SLC14A2: variants seen among roughly 807,000 people sequenced by gnomAD.
SLC14A2 encodes solute carrier family 14 member 2, also known as urea transporter 2.
A neutral mutation model predicts 104.6 loss-of-function variants in SLC14A2; 91 were observed. The ratio of observed to expected loss-of-function variants is 0.87; its 90% confidence interval spans 0.73 to 1.04. SLC14A2 has a LOEUF of 1.04. Among genes scored for constraint, SLC14A2 ranks in the 50% least tolerant of loss-of-function variants. The pLI is 0.00. For missense variants in SLC14A2, 1,189 were observed against 1,156.0 expected (o/e 1.03, Z -0.41); for synonymous variants, 476 against 466.4 (o/e 1.02, Z -0.27).
At chr18:45,430,938 C>T (rs1008263119) in intron 1 of SLC14A2, among the ~76,000 whole-genome samples, 8 of 152,034 alleles carry the variant, frequency 5.3e-5, no homozygotes, top group African/African-American at 1.9e-4. Flanking sequence ...AATGTGAGTT[C>T]TAGTTTAGTG....
Position 45,625,731 on chromosome 18 carries a change from C to T in SLC14A2, c.199C>T (p.Leu67Phe). ...CAGTCACATTGTGAAGATCGAAAAGCTCAATGAAAGGAGTAAAAGGAAAGA... is the reference window on the plus strand; with the variant it reads ...CAGTCACATTGTGAAGATCGAAAAGTTCAATGAAAGGAGTAAAAGGAAAGA... ...EDSHIVKIEK[L>F]NERSKRKDDG... Residue 67 changes from leucine (L) to phenylalanine (F), a missense_variant, in exon 3 of 20, where the codon CTC becomes TTC. Coordinates refer to ENST00000255226, the MANE Select transcript of SLC14A2 (RefSeq NM_007163.4). The T allele has an allele frequency of 6.4e-7, 1 of 1,563,902 alleles. No individual in the cohort carries two copies. Among genetic ancestry groups the T allele is most frequent in the East Asian group, 2.4e-5 (1 of 40,818 alleles).
chr18:45,268,199 C>A (rs1264748404), intron 1 of SLC14A2, among the ~76,000 whole-genome samples: 1 of 151,990 alleles, frequency 6.6e-6, no homozygotes, highest in African/African-American at 2.4e-5. Flanking sequence ...GAAGCAAATA[C>A]CAAGTACCCG....
At chr18:45,466,414 C>T (rs1023504199) in intron 1 of SLC14A2, among the ~76,000 whole-genome samples, 1 of 151,450 alleles carries the variant, frequency 6.6e-6, no homozygotes, top group East Asian at 1.9e-4. Context: ...AGTTAGAGAG[C>T]ATGAAGGCTG....
intron 11 of SLC14A2, among the ~76,000 whole-genome samples, chr18:45,665,459 C>T (rs1331353560): frequency 6.6e-6 from 1 of 152,074 alleles, no homozygotes; most frequent in East Asian, 1.9e-4. Context: ...CAAAGGCTTG[C>T]CAAAATCTGC....
At chr18:45,376,091 T>C (rs1286151950) in intron 1 of SLC14A2, among the ~76,000 whole-genome samples, 2 of 152,178 alleles carry the variant, frequency 1.3e-5, no homozygotes, top group East Asian at 3.9e-4. Flanking sequence ...TAGCCAACCT[T>C]AGTCCTTACT....
Position 45,669,409 on chromosome 18 carries a change from G to GGCCACTACAACCT in SLC14A2, c.2141_2153dup (p.Phe719ProfsTer45). On this transcript the variant is annotated frameshift_variant, in exon 16 of 20. Transcript: ENST00000255226. LOFTEE classifies it high-confidence loss of function. Reference sequence around the variant, plus strand: ...TGTGACTTTGTACCTGGCAGCCACGGGCCACTACAACCTTTTCTTCCCCAC... The same window carrying GGCCACTACAACCT: ...TGTGACTTTGTACCTGGCAGCCACGGGCCACTACAACCTGCCACTACAACCTTTTCTTCCCCAC... 2 of 1,613,696 alleles carry GGCCACTACAACCT rather than the reference G, an allele frequency of 1.2e-6. No homozygotes were observed. The highest frequency in any genetic ancestry group is 1.7e-6 in the Non-Finnish European group (2 of 1,179,938).
intron 1 of SLC14A2, among the ~76,000 whole-genome samples, chr18:45,395,475 A>G (rs2086018921): frequency 6.6e-6 from 1 of 152,358 alleles, no homozygotes; most frequent in Non-Finnish European, 1.5e-5. Context: ...GATCTGCTTC[A>G]CAACAAGGTG....
intron 1 of SLC14A2, among the ~76,000 whole-genome samples, chr18:45,246,240 GA>G (rs2084366415): frequency 6.6e-6 from 1 of 152,154 alleles, no homozygotes; most frequent in South Asian, 2.1e-4. Context: ...TGCAAGCCAA[GA>G]AGGGAGGCCT....
the SLC14A2 span, among the ~76,000 whole-genome samples, chr18:45,171,585 T>C: frequency 6.2e-4 from 94 of 152,218 alleles, no homozygotes; most frequent in African/African-American, 2.2e-3. Flanking sequence ...TATGGACTAT[T>C]AATGTGGAAG....
chr18:45,388,029 A>G lies in SLC14A2; in HGVS notation c.-124-95204A>G, dbSNP rs145055117. On this transcript the variant is annotated intron_variant, in intron 1 of 20. Coordinates refer to the SLC14A2 transcript ENST00000586448. ...CTTGGGAAGGCTCAAAGGAGGATGA[A>G]GTCCTGGATTGCCCTAAGCTCACCT... Among the ~76,000 whole-genome samples, 490 of 149,268 alleles carry G rather than the reference A, an allele frequency of 3.3e-3. 2 individuals carry two copies. Among genetic ancestry groups the G allele is most frequent in the African/African-American group, 0.011 (463 of 40,420 alleles).
At chr18:45,360,772 T>C (rs768848446) in intron 1 of SLC14A2, among the ~76,000 whole-genome samples, 13 of 152,236 alleles carry the variant, frequency 8.5e-5, no homozygotes, top group Non-Finnish European at 1.8e-4. Context: ...TTTAAAAATA[T>C]GCTACAGAGA....
chr18:45,539,656 G>A (rs2043854958), intron 2 of SLC14A2, among the ~76,000 whole-genome samples: 2 of 152,162 alleles, frequency 1.3e-5, no homozygotes, highest in South Asian at 4.1e-4. Context: ...TCCTGGGCCT[G>A]TTCCCCTTGC....
chr18:45,497,335 T>C lies in SLC14A2; in HGVS notation c.-35+14013T>C, dbSNP rs114586685. On this transcript the variant is annotated intron_variant, in intron 2 of 20. Transcript: ENST00000586448. ...ATCCCCTTCCAGGCATCAGGCACTG[T>C]GTTAGGCCAGTGAGGATACAACAGG... Among the ~76,000 whole-genome samples, 483 of 152,290 alleles carry C rather than the reference T, an allele frequency of 3.2e-3. 1 individual carries two copies. Among genetic ancestry groups the C allele is most frequent in the African/African-American group, 0.011 (448 of 41,564 alleles).
chr18:45,465,186 G>T (rs560236506), intron 1 of SLC14A2, among the ~76,000 whole-genome samples: 2 of 152,164 alleles, frequency 1.3e-5, no homozygotes, highest in Non-Finnish European at 2.9e-5. Flanking sequence ...AAGAAACGGA[G>T]AGAAGAAAAC....
At chr18:45,426,121 C>T (rs745588253) in intron 1 of SLC14A2, among the ~76,000 whole-genome samples, 12 of 152,172 alleles carry the variant, frequency 7.9e-5, no homozygotes, top group South Asian at 2.1e-4. Flanking sequence ...CTCCCTGGCA[C>T]GGCATCGATG....
At chr18:45,653,969 G>C (rs1262776104) in intron 10 of SLC14A2, among the ~76,000 whole-genome samples, 2 of 152,194 alleles carry the variant, frequency 1.3e-5, no homozygotes, top group African/African-American at 4.8e-5. Context: ...ATTCTAATGA[G>C]AGGTGCAACT....
rs376187721 is a variant in SLC14A2 at position 45,627,850 on chromosome 18, A to G, written c.521+703A>G. 2.5e-3 allele frequency among the ~76,000 whole-genome samples: 383 copies of G among 152,166 alleles called. 4 individuals carry two copies. Among genetic ancestry groups the G allele is most frequent in the African/African-American group, 8.8e-3 (365 of 41,508 alleles). ...CATGGTGAAACCCCGTCTCTACTAC[A>G]AATACAAAAATCAGCTGTGCATGGT... is the stretch of plus-strand genomic sequence containing the variant. On this transcript the variant is annotated intron_variant, in intron 4 of 19. Coordinates refer to ENST00000255226, the MANE Select transcript of SLC14A2 (RefSeq NM_007163.4).
intron 1 of SLC14A2, among the ~76,000 whole-genome samples, chr18:45,313,657 G>A (rs1301842639): frequency 6.6e-6 from 1 of 152,170 alleles, no homozygotes; most frequent in Non-Finnish European, 1.5e-5. Context: ...TGTAAAAAGA[G>A]CATATAGTCT....
At chr18:45,269,757 A>G (rs2084631362) in intron 1 of SLC14A2, among the ~76,000 whole-genome samples, 2 of 152,216 alleles carry the variant, frequency 1.3e-5, no homozygotes, top group Admixed American at 1.3e-4. Flanking sequence ...GGGGAACATC[A>G]GAGCATTCTT....
Sources: allele counts gnomAD v4.1 joint callset (sites outside exome capture counted in the v4.1 genomes callset), GRCh38; gene constraint gnomAD v4.1.1; transcripts MANE v1.5; gene names NCBI Gene and HGNC (gene_info 2026-07-23, HGNC 2026-07-21).